The following NBPF26 variants were observed in gnomAD, a reference collection of about 807,000 sequenced individuals.
The protein encoded by NBPF26 is NBPF member 26.
A neutral mutation model predicts 119.6 loss-of-function variants in NBPF26; 79 were observed. The ratio of observed to expected loss-of-function variants is 0.66; its 90% CI spans 0.55 to 0.80. The LOEUF (loss-of-function observed/expected upper bound fraction) is 0.80, where lower values mean the gene tolerates loss of function less well. Ranked by LOEUF, NBPF26 falls within the 30% of genes least tolerant of loss-of-function variation. The pLI is 0.00. For missense variants in NBPF26, 800 were observed against 1,198.2 expected, an observed-to-expected ratio of 0.67 and a Z score of 4.91; for synonymous variants, 299 against 457.7, an observed-to-expected ratio of 0.65 and a Z score of 4.43.
intron 15 of NBPF26, among the ~76,000 whole-genome samples, chr1:120,819,313 T>C (rs1652081277): frequency 8.6e-6 from 1 of 116,416 alleles, no homozygotes; most frequent in Non-Finnish European, 1.7e-5. Context: ...CTGCCTTTTT[T>C]TTGTTTTCCA....
intron 17 of NBPF26, 81 bp downstream of exon 17, chr1:120,823,441 AAAT>A: frequency 1.4e-6 from 1 of 738,372 alleles, no homozygotes; most frequent in Non-Finnish European, 2.3e-6. Flanking sequence ...TACATGCTGA[AAAT>A]AATGATTTTG....
At position 120,793,526 on chromosome 1, in the gene NBPF26, G is replaced by T; in HGVS notation, c.751+30G>T. ...GGAGCTCCCTAGTGTCCCAGGATTAGGGGACAAACCCCTAGCACAGGAGGT... is the reference window on the plus strand; with the variant it reads ...GGAGCTCCCTAGTGTCCCAGGATTATGGGACAAACCCCTAGCACAGGAGGT... On this transcript the variant is annotated intron_variant, in intron 4 of 29. Coordinates refer to ENST00000620612, the Ensembl canonical transcript of NBPF26. 12 of 1,127,380 alleles carry T rather than the reference G, an allele frequency of 1.1e-5. 1 individual carries two copies. Among genetic ancestry groups the T allele is most frequent in the Non-Finnish European group, 7.5e-6 (6 of 800,898 alleles). The allele number at this position is 1,127,380 out of a possible 1,614,324, so 69.8% of individuals were successfully genotyped here.
chr1:120,811,132 C>T (rs1651853647), intron 9 of NBPF26, among the ~76,000 whole-genome samples: 1 of 106,012 alleles, frequency 9.4e-6, no homozygotes, highest in Non-Finnish European at 1.8e-5. Flanking sequence ...CCTGTAGTCC[C>T]AGCTACTCAG....
intron 9 of NBPF26, among the ~76,000 whole-genome samples, chr1:120,811,041 C>A (rs1319469988): frequency 1.0e-5 from 1 of 100,086 alleles, no homozygotes; most frequent in African/African-American, 6.5e-5. Context: ...GAGATTGAGA[C>A]CATCCTGGCT....
At chr1:120,802,398 C>A (rs1260977383) in intron 4 of NBPF26, among the ~76,000 whole-genome samples, 3 of 126,288 alleles carry the variant, frequency 2.4e-5, no homozygotes, top group South Asian at 4.8e-4. Flanking sequence ...ATTTTCAAGG[C>A]AGTCTCTAAA....
In NBPF26 at chr1:120,770,462, C is replaced by A. The variant is rs1313980323; in HGVS notation, c.155+6753C>A. Among the ~76,000 whole-genome samples, 4 of 113,054 alleles carry A rather than the reference C, an allele frequency of 3.5e-5. 2 individuals carry two copies. Among genetic ancestry groups the A allele is most frequent in the African/African-American group, 2.3e-4 (4 of 17,506 alleles). The allele number at this position is 113,054 out of a possible 152,430, so 74.2% of individuals were successfully genotyped here. A position where few individuals can be genotyped will look rare whatever the true frequency, so the allele number is the denominator to read the frequency against. Reference sequence around the variant, plus strand: ...GGGATTACAGGCGTGAGCCACCACACCCAGCCGAGGACATAGGTTTTTTTA... The same window carrying A: ...GGGATTACAGGCGTGAGCCACCACAACCAGCCGAGGACATAGGTTTTTTTA... On this transcript the variant is annotated intron_variant, in intron 2 of 29. Coordinates refer to ENST00000620612, the Ensembl canonical transcript of NBPF26.
Position 120,806,186 on chromosome 1 carries a change from G to A in NBPF26, c.961+421G>A, listed in dbSNP as rs1196774591. ...GTTGAGGCCCAACAGGCAAAGCTCT[G>A]TTCTAGTGACTCTGAGGGGAACTTG... On this transcript the variant is annotated intron_variant, in intron 5 of 29. Transcript: ENST00000620612. 2.1e-4 allele frequency among the ~76,000 whole-genome samples: 25 copies of A among 121,252 alleles called. 2 individuals are homozygous for A. The highest frequency in any genetic ancestry group is 3.5e-4 in the Non-Finnish European group (21 of 60,182). 79.5% of individuals were successfully genotyped at this position (121,252 alleles called of 152,430 possible).
At chr1:120,825,061 G>A (rs1652229110) in intron 18 of NBPF26, 144 bp downstream of exon 19, 1 of 533,782 alleles carries the variant, frequency 1.9e-6, no homozygotes, top group East Asian at 3.0e-5. Context: ...TTTCATTGCA[G>A]TAGATGTTTA....
exon 1 of NBPF26, chr1:120,724,028 C>A: frequency 3.2e-6 from 4 of 1,247,028 alleles, no homozygotes; most frequent in Non-Finnish European, 4.0e-6. Flanking sequence ...TGCACCTGGG[C>A]TTCGGAGCGT....
intron 19 of NBPF26, among the ~76,000 whole-genome samples, chr1:120,830,061 G>A (rs1183359770): frequency 2.1e-4 from 26 of 121,920 alleles, no homozygotes; most frequent in African/African-American, 1.2e-3. Flanking sequence ...GGAATCTTGA[G>A]CAAGTTTATG....
exon 30 of NBPF26, chr1:120,840,586 C>T: frequency 6.8e-7 from 1 of 1,463,012 alleles, no homozygotes; most frequent in South Asian, 1.2e-5. Flanking sequence ...GTCATATTCC[C>T]ACAATAAGCA....
At chr1:120,781,946 A>C (rs1482915965) in intron 2 of NBPF26, among the ~76,000 whole-genome samples, 2 of 107,000 alleles carry the variant, frequency 1.9e-5, no homozygotes, top group Non-Finnish European at 1.7e-5. Flanking sequence ...GTAATACAAG[A>C]GACAATAGCT....
At position 120,794,148 on chromosome 1, in the gene NBPF26, T is replaced by A. The variant is rs1222516806; in HGVS notation, c.751+652T>A. Among the ~76,000 whole-genome samples the A allele has an allele frequency of 1.7e-5, 2 of 114,516 alleles. 1 individual carries two copies. The highest frequency in any genetic ancestry group is 5.1e-4 in the South Asian group (2 of 3,960). 75.1% of individuals were successfully genotyped at this position (114,516 alleles called of 152,430 possible). A position where few individuals can be genotyped will look rare whatever the true frequency, so the allele number is the denominator to read the frequency against. On this transcript the variant is annotated intron_variant, in intron 4 of 29. Coordinates refer to ENST00000620612, the Ensembl canonical transcript of NBPF26. Reference sequence around the variant, plus strand: ...CTGATAGATGATATATGAGAGACTATGTGTGGCACAATACTTTGTTACACT... The same window carrying A: ...CTGATAGATGATATATGAGAGACTAAGTGTGGCACAATACTTTGTTACACT...
At position 120,747,458 on chromosome 1, in the gene NBPF26, G is replaced by T. The variant is rs1351497200; in HGVS notation, c.74-16170G>T. ...ATACTGTATACTCTTGAGCGCATAT[G>T]TATCCTACTTTATGAAATCTGGGGG... On this transcript the variant is annotated intron_variant, in intron 1 of 29. Coordinates refer to ENST00000620612, the Ensembl canonical transcript of NBPF26. Among the ~76,000 whole-genome samples, 16 of 29,338 alleles carry T rather than the reference G, an allele frequency of 5.5e-4. 7 individuals carry two copies. Among genetic ancestry groups the T allele is most frequent in the South Asian group, 2.8e-3 (5 of 1,810 alleles). The allele number at this position is 29,338 out of a possible 152,430, so 19.2% of individuals were successfully genotyped here. A position where few individuals can be genotyped will look rare whatever the true frequency, so the allele number is the denominator to read the frequency against.
Position 120,778,188 on chromosome 1 carries a change from C to T in NBPF26, c.156-6786C>T, listed in dbSNP as rs1257428071. Reference sequence around the variant, plus strand: ...CAAACTGCAGACCTTTGTTACTGACCGATGCTTAATTTGGTTTCTGGGTTT... The same window carrying T: ...CAAACTGCAGACCTTTGTTACTGACTGATGCTTAATTTGGTTTCTGGGTTT... On this transcript the variant is annotated intron_variant, in intron 2 of 29. Coordinates refer to ENST00000620612, the Ensembl canonical transcript of NBPF26. Among the ~76,000 whole-genome samples, 8 of 74,476 alleles carry T rather than the reference C, an allele frequency of 1.1e-4. 1 individual carries two copies. In the East Asian group the frequency reaches 1.9e-3, roughly 18 times the overall value. The allele number at this position is 74,476 out of a possible 152,430, so 48.9% of individuals were successfully genotyped here.
intron 5 of NBPF26, among the ~76,000 whole-genome samples, 166 bp from the exon 6 acceptor site, chr1:120,807,441 C>A (rs1253111978): frequency 3.4e-5 from 4 of 119,122 alleles, no homozygotes; most frequent in Non-Finnish European, 6.7e-5. Context: ...GGATCAGATG[C>A]CAGAAAGTCA....
intron 1 of NBPF26, among the ~76,000 whole-genome samples, chr1:120,724,777 G>T (rs1176704929): frequency 1.8e-5 from 2 of 110,858 alleles, no homozygotes; most frequent in Non-Finnish European, 1.8e-5. Flanking sequence ...TGGGGACGGG[G>T]TTTTGCGGCG....
In NBPF26 at chr1:120,781,842, G is replaced by A. The variant is rs1489611549; in HGVS notation, c.156-3132G>A. On this transcript the variant is annotated intron_variant, in intron 2 of 29. Coordinates refer to ENST00000620612, the Ensembl canonical transcript of NBPF26. ...CAAAGTGCTGAGATTACTGGTGTGA[G>A]CCACCGCACCTGGCTTAGCTGTAAA... Among the ~76,000 whole-genome samples the A allele has an allele frequency of 9.3e-5, 11 of 117,650 alleles. No homozygotes were observed. The East Asian group carries it at 2.3e-3, about 24-fold the overall frequency. 77.2% of individuals were successfully genotyped at this position (117,650 alleles called of 152,430 possible).
At position 120,829,826 on chromosome 1, in the gene NBPF26, G is replaced by A; in HGVS notation, c.2864+11G>A. The stretch of plus-strand genomic sequence containing the variant: ...CCCATCATGCCCCAGGTAACTTTGA[G>A]CAATTATGGATGCTTAATTCTGTGT... On this transcript the variant is annotated intron_variant, in intron 19 of 29. Transcript: ENST00000620612. The A allele has an allele frequency of 2.6e-6, 2 of 783,312 alleles. 1 individual carries two copies. The highest frequency in any genetic ancestry group is 4.0e-6 in the Non-Finnish European group (2 of 493,956). The allele number at this position is 783,312 out of a possible 1,614,324, so 48.5% of individuals were successfully genotyped here. A position where few individuals can be genotyped will look rare whatever the true frequency, so the allele number is the denominator to read the frequency against.
Sources: allele counts gnomAD v4.1 joint callset (sites outside exome capture counted in the v4.1 genomes callset), GRCh38; gene constraint gnomAD v4.1.1; transcripts MANE v1.5; gene names NCBI Gene and HGNC (gene_info 2026-07-23, HGNC 2026-07-21).